RRAS2: variants seen among roughly 807,000 people sequenced by gnomAD.
RRAS2 encodes the protein RAS related 2.
A neutral mutation model predicts 27.6 loss-of-function variants in RRAS2; 7 were observed. That is an observed-to-expected ratio of 0.25 (90% CI 0.14 to 0.48). The LOEUF is 0.48. Among genes scored for constraint, RRAS2 ranks in the 20% least tolerant of loss-of-function variants. RRAS2 has a pLI of 0.99. For missense variants in RRAS2, 178 were observed against 256.2 expected (o/e 0.69, Z 2.08); for synonymous variants, 86 against 90.9 (o/e 0.95, Z 0.31).
chr11:14,319,123 A>C (rs958575228), intron 1 of RRAS2, among the ~76,000 whole-genome samples: 1 of 152,202 alleles, frequency 6.6e-6, no homozygotes, highest in South Asian at 2.1e-4. Flanking sequence ...CATCATTACA[A>C]TGAGAGCTAC....
chr11:14,320,930 C>G (rs1848208011), intron 1 of RRAS2, among the ~76,000 whole-genome samples: 1 of 152,146 alleles, frequency 6.6e-6, no homozygotes, highest in Admixed American at 6.5e-5. Context: ...CCTATAATCC[C>G]AGCACTTTGG....
intron 1 of RRAS2, among the ~76,000 whole-genome samples, chr11:14,339,299 G>T (rs1186453010): frequency 7.6e-6 from 1 of 131,582 alleles, no homozygotes; most frequent in Admixed American, 7.6e-5. Context: ...AAAAAGGGGG[G>T]GGGGGGAAGA....
intron 5 of RRAS2, among the ~76,000 whole-genome samples, chr11:14,279,851 T>A (rs1302209182): frequency 1.3e-5 from 2 of 152,182 alleles, no homozygotes; most frequent in Non-Finnish European, 2.9e-5. Context: ...TGAGCCCCAG[T>A]TTTTTTAGAG....
At chr11:14,349,978 T>A (rs562301945) in intron 1 of RRAS2, among the ~76,000 whole-genome samples, 1 of 152,332 alleles carries the variant, frequency 6.6e-6, no homozygotes, top group African/African-American at 2.4e-5. Flanking sequence ...CAGAAAGGTA[T>A]CCTCAGAAGG....
intron 1 of RRAS2, among the ~76,000 whole-genome samples, chr11:14,305,497 T>C (rs1244897598): frequency 1.3e-5 from 2 of 152,184 alleles, no homozygotes; most frequent in South Asian, 2.1e-4. Context: ...GGAAAGCTTG[T>C]CTTTGGGGTA....
At chr11:14,312,232 T>C (rs1215261815) in intron 1 of RRAS2, among the ~76,000 whole-genome samples, 1 of 152,190 alleles carries the variant, frequency 6.6e-6, no homozygotes, top group East Asian at 1.9e-4. Context: ...AATTACAGCA[T>C]ATCTATCACA....
At chr11:14,309,547 G>A (rs538915282) in intron 1 of RRAS2, among the ~76,000 whole-genome samples, 2 of 152,306 alleles carry the variant, frequency 1.3e-5, no homozygotes, top group South Asian at 2.1e-4. Flanking sequence ...TGGAGGGGAG[G>A]ATATGATACT....
intron 1 of RRAS2, among the ~76,000 whole-genome samples, chr11:14,297,056 A>AT (rs1847573844): frequency 6.6e-6 from 1 of 152,176 alleles, no homozygotes; most frequent in Non-Finnish European, 1.5e-5. Context: ...TTTAAAAAAG[A>AT]TAACAACAAT....
chr11:14,324,186 T>C (rs542961753), intron 1 of RRAS2, among the ~76,000 whole-genome samples: 1 of 151,902 alleles, frequency 6.6e-6, no homozygotes, highest in Admixed American at 6.6e-5. Context: ...ACATAATAAT[T>C]ATTGGAATTA....
At chr11:14,296,738 G>A (rs1302919762) in intron 1 of RRAS2, among the ~76,000 whole-genome samples, 1 of 151,868 alleles carries the variant, frequency 6.6e-6, no homozygotes, top group Non-Finnish European at 1.5e-5. Context: ...CTCTTTCACT[G>A]ACATCTTTTG....
intron 1 of RRAS2, among the ~76,000 whole-genome samples, chr11:14,316,306 G>A (rs1281037295): frequency 1.3e-5 from 2 of 152,214 alleles, no homozygotes; most frequent in African/African-American, 4.8e-5. Context: ...GGTGAGGTAT[G>A]CATCAGTCTG....
upstream of RRAS2, among the ~76,000 whole-genome samples, chr11:14,362,202 A>C (rs932360627): frequency 5.3e-5 from 8 of 152,170 alleles, no homozygotes; most frequent in African/African-American, 1.9e-4. Context: ...TATGCTTTAT[A>C]TGGGTGAATT....
chr11:14,306,058 C>T (rs1847820846), intron 1 of RRAS2, among the ~76,000 whole-genome samples: 1 of 147,362 alleles, frequency 6.8e-6, no homozygotes, highest in African/African-American at 2.4e-5. Flanking sequence ...CCGCCGCCCC[C>T]ACCCCAACAA....
intron 1 of RRAS2, among the ~76,000 whole-genome samples, chr11:14,352,769 AGAGAGAGAGAGG>A (rs1848988156): frequency 6.0e-5 from 9 of 150,002 alleles, no homozygotes; most frequent in African/African-American, 1.7e-4. Context: ...AGAGAGAGAG[AGAGAGAGAGAGG>A]GAGAGAGAGA....
At chr11:14,292,408 C>A (rs906936599) in intron 4 of RRAS2, among the ~76,000 whole-genome samples, 5 of 152,028 alleles carry the variant, frequency 3.3e-5, no homozygotes, top group East Asian at 3.9e-4. Context: ...CAAAAGTCAG[C>A]GAGAGATAGG....
chr11:14,353,000 T>C (rs1030988201), intron 1 of RRAS2, among the ~76,000 whole-genome samples: 3 of 151,946 alleles, frequency 2.0e-5, no homozygotes, highest in Admixed American at 6.6e-5. Flanking sequence ...GGTTTCACCA[T>C]GTTGGCCACG....
At chr11:14,345,748 G>C (rs1554953974) in intron 1 of RRAS2, among the ~76,000 whole-genome samples, 1 of 152,200 alleles carries the variant, frequency 6.6e-6, no homozygotes, top group Admixed American at 6.5e-5. Context: ...TTAAGATTTA[G>C]AGGGTGTAGT....
intron 1 of RRAS2, among the ~76,000 whole-genome samples, chr11:14,301,373 CTGA>C (rs770700855): frequency 5.4e-4 from 83 of 152,296 alleles, no homozygotes; most frequent in Non-Finnish European, 1.1e-3. Flanking sequence ...ATGTAGAAGG[CTGA>C]TGTTTTTTCT....
intron 1 of RRAS2, among the ~76,000 whole-genome samples, chr11:14,328,668 A>AT (rs375300285): frequency 0.055 from 7,968 of 146,078 alleles, 237 homozygotes; most frequent in African/African-American, 0.071. Flanking sequence ...ACATACACCA[A>AT]TTTTTTTTTT....
Sources: gnomAD v4.1 joint callset for allele counts (sites outside exome capture counted in the v4.1 genomes callset) on GRCh38, gnomAD v4.1.1 for gene constraint, MANE v1.5 for transcripts, NCBI Gene and HGNC (gene_info 2026-07-23, HGNC 2026-07-21) for gene names.